PDZRN4: variants seen among roughly 807,000 people sequenced by gnomAD.
PDZRN4 encodes PDZ domain containing ring finger 4.
PDZRN4 carries 70 observed loss-of-function variants against 99.0 expected under a neutral mutation model. The ratio of observed to expected loss-of-function variants is 0.71; its 90% CI spans 0.58 to 0.86. PDZRN4 has a LOEUF of 0.86. Ranked by LOEUF, PDZRN4 falls within the 40% of genes least tolerant of loss-of-function variation. The pLI is 0.00. For missense variants in PDZRN4, 1,474 were observed against 1,331.2 expected (o/e 1.11, Z -1.67); for synonymous variants, 551 against 501.6 (o/e 1.10, Z -1.32).
chr12:41,423,765 G>A (rs978113509), intron 3 of PDZRN4, among the ~76,000 whole-genome samples: 1 of 152,162 alleles, frequency 6.6e-6, no homozygotes, highest in African/African-American at 2.4e-5. Context: ...GTTAGTGATT[G>A]TAATCTTTCC....
At chr12:41,397,619 T>G (rs368034110) in intron 3 of PDZRN4, among the ~76,000 whole-genome samples, 2 of 152,150 alleles carry the variant, frequency 1.3e-5, no homozygotes, top group South Asian at 2.1e-4. Flanking sequence ...ATTCAGTCTT[T>G]TTTAGTACAT....
chr12:41,215,860 TTTA>T (rs1950917629), intron 3 of PDZRN4, among the ~76,000 whole-genome samples: 1 of 151,632 alleles, frequency 6.6e-6, no homozygotes, highest in Non-Finnish European at 1.5e-5. Flanking sequence ...AGTTTTTTTT[TTTA>T]ATCTGTCATT....
intron 3 of PDZRN4, among the ~76,000 whole-genome samples, chr12:41,220,484 G>A (rs1353877742): frequency 2.0e-5 from 3 of 152,116 alleles, no homozygotes; most frequent in Admixed American, 1.3e-4. Flanking sequence ...GCCAGGAAAG[G>A]GGATGTAATT....
chr12:41,489,438 C>T (rs754645697), intron 3 of PDZRN4, among the ~76,000 whole-genome samples: 8 of 152,088 alleles, frequency 5.3e-5, no homozygotes, highest in Non-Finnish European at 8.8e-5. Flanking sequence ...AGTTCAGTCA[C>T]TTAGGAAATA....
intron 3 of PDZRN4, among the ~76,000 whole-genome samples, chr12:41,492,725 A>T (rs1467965238): frequency 6.6e-6 from 1 of 152,156 alleles, no homozygotes; most frequent in Non-Finnish European, 1.5e-5. Context: ...GCATTCTACT[A>T]GTCTCTCCTT....
chr12:41,194,477 A>G (rs1950759046), intron 3 of PDZRN4, among the ~76,000 whole-genome samples: 1 of 152,104 alleles, frequency 6.6e-6, no homozygotes, highest in South Asian at 2.1e-4. Context: ...TCTACCAAAA[A>G]ACAAAACAAA....
In PDZRN4 at chr12:41,572,295, A is replaced by C. The variant is rs138845071; in HGVS notation, c.1585-69A>C. The C allele has an allele frequency of 1.6e-5, 22 of 1,378,320 alleles. No individual in the cohort carries two copies. In the East Asian group the frequency reaches 5.4e-4, roughly 34 times the overall value. 85.4% of individuals were successfully genotyped at this position (1,378,320 alleles called of 1,614,324 possible). On this transcript the variant is annotated intron_variant, in intron 9 of 9. Coordinates refer to ENST00000402685, the MANE Select transcript of PDZRN4 (RefSeq NM_001164595.2). ...TGCCAGGAAACATTGGTTTTCAAACAAGATTTTTAATAACAAATGTCTTCC... is the reference window on the plus strand; with the variant it reads ...TGCCAGGAAACATTGGTTTTCAAACCAGATTTTTAATAACAAATGTCTTCC...
chr12:41,307,150 T>C (rs760526173), intron 3 of PDZRN4, among the ~76,000 whole-genome samples: 4 of 152,148 alleles, frequency 2.6e-5, no homozygotes, highest in Non-Finnish European at 5.9e-5. Flanking sequence ...ACCCTATTTC[T>C]CAGTACCAAT....
Position 41,509,795 on chromosome 12 carries a change from G to A in PDZRN4, c.1101-16G>A. On this transcript the variant is annotated splice_polypyrimidine_tract_variant and intron_variant, in intron 4 of 9. Coordinates refer to ENST00000402685, the MANE Select transcript of PDZRN4 (RefSeq NM_001164595.2). ...CCATTTAATCTATTCCTATCATATTGCTACATTCCCCATAGCTGCCATTCT... is the reference window on the plus strand; with the variant it reads ...CCATTTAATCTATTCCTATCATATTACTACATTCCCCATAGCTGCCATTCT... 2 of 1,209,352 alleles carry A rather than the reference G, an allele frequency of 1.7e-6. No individual in the cohort carries two copies. Among genetic ancestry groups the A allele is most frequent in the Non-Finnish European group, 2.4e-6 (2 of 827,934 alleles). The allele number at this position is 1,209,352 out of a possible 1,614,324, so 74.9% of individuals were successfully genotyped here. A position where few individuals can be genotyped will look rare whatever the true frequency, so the allele number is the denominator to read the frequency against.
rs1226141641 is a variant in PDZRN4 at position 41,460,054 on chromosome 12, C to G, written c.844-46402C>G. 6.2e-6 allele frequency: 8 copies of G among 1,285,304 alleles called. No homozygotes were observed. In the East Asian group the frequency reaches 4.5e-4, roughly 72 times the overall value. The allele number at this position is 1,285,304 out of a possible 1,614,324, so 79.6% of individuals were successfully genotyped here. On this transcript the variant is annotated intron_variant, in intron 3 of 9. Coordinates refer to ENST00000402685, the MANE Select transcript of PDZRN4 (RefSeq NM_001164595.2). ...GGGATCTTAGTTCTGCTTCATTAAG[C>G]TCCTTGTGAATGAGTGGTAAATTTT...
intron 3 of PDZRN4, among the ~76,000 whole-genome samples, chr12:41,206,468 C>A (rs1287076018): frequency 6.7e-6 from 1 of 150,320 alleles, no homozygotes; most frequent in African/African-American, 2.5e-5. Context: ...CCATTTCAGT[C>A]TCCTGTTTTA....
chr12:41,205,911 C>T (rs940077925), intron 3 of PDZRN4, among the ~76,000 whole-genome samples: 1 of 151,900 alleles, frequency 6.6e-6, no homozygotes, highest in Non-Finnish European at 1.5e-5. Flanking sequence ...TACATTTTTC[C>T]TATTTTTGAC....
intron 3 of PDZRN4, among the ~76,000 whole-genome samples, chr12:41,253,771 T>G (rs1389316895): frequency 6.6e-6 from 1 of 152,164 alleles, no homozygotes; most frequent in Non-Finnish European, 1.5e-5. Context: ...AAAGAAAATG[T>G]GATACATATA....
intron 3 of PDZRN4, among the ~76,000 whole-genome samples, chr12:41,310,914 C>A (rs1287397157): frequency 6.6e-6 from 1 of 152,024 alleles, no homozygotes; most frequent in African/African-American, 2.4e-5. Flanking sequence ...ATACACAGAT[C>A]TAAGAGTTAA....
chr12:41,301,103 T>C (rs574703208), intron 3 of PDZRN4, among the ~76,000 whole-genome samples: 1 of 152,204 alleles, frequency 6.6e-6, no homozygotes, highest in South Asian at 2.1e-4. Flanking sequence ...TATTAGCTTA[T>C]AGATGATTGC....
chr12:41,344,550 AAAAG>A (rs1462114025), intron 3 of PDZRN4, among the ~76,000 whole-genome samples: 1 of 129,612 alleles, frequency 7.7e-6, no homozygotes, highest in African/African-American at 2.9e-5. Context: ...ACAAATGAAA[AAAAG>A]AAAAAACAAC....
intron 3 of PDZRN4, among the ~76,000 whole-genome samples, chr12:41,472,848 T>C (rs144620836): frequency 6.6e-6 from 1 of 152,326 alleles, no homozygotes; most frequent in African/African-American, 2.4e-5. Flanking sequence ...TATGTGAAAC[T>C]AAGAAATTGA....
chr12:41,246,186 A>T (rs1467693597), intron 3 of PDZRN4, among the ~76,000 whole-genome samples: 1 of 152,220 alleles, frequency 6.6e-6, no homozygotes, highest in Non-Finnish European at 1.5e-5. Context: ...TCAATATTTA[A>T]TATGAGCTCT....
At chr12:41,291,829 C>T (rs1303566641) in intron 3 of PDZRN4, among the ~76,000 whole-genome samples, 1 of 151,750 alleles carries the variant, frequency 6.6e-6, no homozygotes, top group Non-Finnish European at 1.5e-5. Context: ...ATAGAGACCC[C>T]CTAATGTAGT....
Sources: gnomAD v4.1 joint callset for allele counts (sites outside exome capture counted in the v4.1 genomes callset) on GRCh38, gnomAD v4.1.1 for gene constraint, MANE v1.5 for transcripts, NCBI Gene and HGNC (gene_info 2026-07-23, HGNC 2026-07-21) for gene names.